Variants in CDH4 observed in about 807,000 individuals in gnomAD.
CDH4 encodes cadherin 4, also known as cadherin-4.
Under a neutral mutation model 86.0 loss-of-function variants are expected in CDH4, and 33 were observed. The observed-to-expected ratio is 0.38, with a 90% CI of 0.29 to 0.51. The LOEUF (loss-of-function observed/expected upper bound fraction) is 0.51, where lower values mean the gene tolerates loss of function less well. Ranked by LOEUF, CDH4 falls within the 20% of genes least tolerant of loss-of-function variation. The pLI, the probability that CDH4 is intolerant of heterozygous loss-of-function variation, is 0.86. For missense variants in CDH4, 1,114 were observed against 1,307.4 expected (o/e 0.85, Z 2.28); for synonymous variants, 555 against 549.4 (o/e 1.01, Z -0.14).
At position 61,838,341 on chromosome 20, in the gene CDH4, T is replaced by A. The variant is rs373303427; in HGVS notation, c.577-6327T>A. ...GGTGGGGAGGTAGGGAGCCCTCGGC[T>A]GTGCAATGCAGGCAGGGGAACAGAC... On this transcript the variant is annotated intron_variant, in intron 4 of 15. Transcript: ENST00000614565. Among the ~76,000 whole-genome samples the A allele has an allele frequency of 3.3e-5, 5 of 152,212 alleles. No homozygotes were observed. The South Asian group carries it at 1.0e-3, about 32-fold the overall frequency.
intron 2 of CDH4, among the ~76,000 whole-genome samples, chr20:61,660,316 A>T (rs2087239269): frequency 6.6e-6 from 1 of 152,206 alleles, no homozygotes; most frequent in African/African-American, 2.4e-5. Flanking sequence ...TTCTCTTCTT[A>T]TCAAACAAAG....
chr20:61,375,941 T>TA (rs2084867870), intron 2 of CDH4, among the ~76,000 whole-genome samples: 1 of 4,102 alleles, frequency 2.4e-4, no homozygotes. Context: ...ATGATGGTGG[T>TA]GCTGGTGGTG....
At position 61,928,336 on chromosome 20, in the gene CDH4, G is replaced by A. The variant is rs202123554; in HGVS notation, c.1918G>A (p.Val640Ile). The change falls in exon 12 of 16, where the codon GTC (valine) becomes ATC (isoleucine). Residue 640 changes from valine to isoleucine, a missense_variant. Around this residue, in one of 3 missense-constraint regions of CDH4, gnomAD observed 705 missense variants for 914.1 expected, o/e 0.77. Transcript: ENST00000614565. The part of the protein sequence containing the change: ...AINITAADAD[V>I]DPNIGPYVFE... ...CAACATCACGGCGGCCGACGCTGAC[G>A]TCGACCCCAACATCGGCCCCTACGT... 7.4e-5 allele frequency: 119 copies of A among 1,611,028 alleles called. 2 individuals are homozygous for A. The South Asian group carries it at 1.1e-3, about 15-fold the overall frequency.
intron 7 of CDH4, among the ~76,000 whole-genome samples, chr20:61,877,269 C>T (rs774426110): frequency 1.1e-4 from 16 of 152,150 alleles, no homozygotes; most frequent in Non-Finnish European, 2.1e-4. Flanking sequence ...GAGGCTGACC[C>T]GGCAGCTGGA....
intron 6 of CDH4, among the ~76,000 whole-genome samples, chr20:61,864,047 A>T (rs1358285906): frequency 7.2e-5 from 11 of 152,260 alleles, no homozygotes; most frequent in African/African-American, 2.2e-4. Context: ...TGTTAAGATG[A>T]GGCCAGTAGG....
intron 2 of CDH4, among the ~76,000 whole-genome samples, chr20:61,633,249 CTATT>C (rs2086913074): frequency 6.6e-6 from 1 of 151,456 alleles, no homozygotes; most frequent in Non-Finnish European, 1.5e-5. Flanking sequence ...ATCTATCCAT[CTATT>C]TATTCATCTG....
intron 2 of CDH4, among the ~76,000 whole-genome samples, chr20:61,673,612 G>A (rs185285469): frequency 2.6e-5 from 4 of 152,324 alleles, no homozygotes; most frequent in East Asian, 3.9e-4. Flanking sequence ...AAGGCCGCCC[G>A]TTCTTGAATA....
intron 2 of CDH4, among the ~76,000 whole-genome samples, chr20:61,695,596 A>T (rs1248129066): frequency 2.0e-5 from 3 of 152,172 alleles, no homozygotes; most frequent in South Asian, 2.1e-4. Flanking sequence ...GAGGTTCCAC[A>T]TGGCGGTGCT....
At chr20:61,658,716 A>T (rs900548085) in intron 2 of CDH4, among the ~76,000 whole-genome samples, 4 of 152,178 alleles carry the variant, frequency 2.6e-5, no homozygotes, top group Non-Finnish European at 5.9e-5. Flanking sequence ...CAAAAGCCCA[A>T]GTACCCAGGA....
At chr20:61,678,513 G>A (rs1372862024) in intron 2 of CDH4, among the ~76,000 whole-genome samples, 1 of 152,206 alleles carries the variant, frequency 6.6e-6, no homozygotes, top group Non-Finnish European at 1.5e-5. Context: ...ACACCAGGTA[G>A]CCAGGAAAGT....
chr20:61,759,468 T>A (rs1477235219), intron 3 of CDH4, among the ~76,000 whole-genome samples: 1 of 152,090 alleles, frequency 6.6e-6, no homozygotes, highest in East Asian at 1.9e-4. Context: ...TCACTGAGGG[T>A]CTGGGCGCCA....
At chr20:61,474,035 C>G (rs533927955) in intron 2 of CDH4, among the ~76,000 whole-genome samples, 39 of 152,014 alleles carry the variant, frequency 2.6e-4, no homozygotes, top group African/African-American at 9.2e-4. Flanking sequence ...CTCTGGCTTA[C>G]TGTAAAGATC....
intron 2 of CDH4, among the ~76,000 whole-genome samples, chr20:61,505,717 C>A (rs917126360): frequency 6.9e-6 from 1 of 144,390 alleles, no homozygotes; most frequent in Non-Finnish European, 1.6e-5. Flanking sequence ...TCGCTCACTG[C>A]AAGTTGGCGG....
chr20:61,508,959 C>T (rs1311924789), intron 2 of CDH4, among the ~76,000 whole-genome samples: 4 of 152,148 alleles, frequency 2.6e-5, no homozygotes, highest in Admixed American at 2.0e-4. Context: ...ATCCTCAGGG[C>T]AGGAGCAGCT....
chr20:61,853,962 A>G (rs1982864567), intron 6 of CDH4, among the ~76,000 whole-genome samples: 1 of 152,186 alleles, frequency 6.6e-6, no homozygotes. Context: ...AAGTTCAGAG[A>G]GTCAGCAAAG....
intron 3 of CDH4, among the ~76,000 whole-genome samples, chr20:61,762,633 A>G (rs1007718807): frequency 6.6e-6 from 1 of 152,222 alleles, no homozygotes; most frequent in African/African-American, 2.4e-5. Context: ...GGAAGTGAAG[A>G]AGCACAATCC....
At chr20:61,599,858 A>C (rs1242991107) in intron 2 of CDH4, 1 of 985,320 alleles carries the variant, frequency 1.0e-6, no homozygotes, top group Non-Finnish European at 1.2e-6. Context: ...CCTTCGCCGC[A>C]CACAACACAG....
intron 2 of CDH4, among the ~76,000 whole-genome samples, chr20:61,463,208 A>C (rs1216678491): frequency 6.6e-6 from 1 of 152,164 alleles, no homozygotes; most frequent in Non-Finnish European, 1.5e-5. Context: ...GAGTCCATTA[A>C]ACCTCTTCCC....
intron 9 of CDH4, among the ~76,000 whole-genome samples, chr20:61,911,371 C>A (rs1432319837): frequency 1.3e-5 from 2 of 152,240 alleles, no homozygotes; most frequent in East Asian, 3.8e-4. Flanking sequence ...TAATCTAACT[C>A]TTTTTCTACA....
Sources: allele counts gnomAD v4.1 joint callset (sites outside exome capture counted in the v4.1 genomes callset), GRCh38; gene constraint gnomAD v4.1.1; regional missense constraint gnomAD v4.1.1; transcripts MANE v1.5; gene names NCBI Gene and HGNC (gene_info 2026-07-23, HGNC 2026-07-21).